The following ATF7IP variants were observed in gnomAD, a reference collection of about 807,000 sequenced individuals.
The protein encoded by ATF7IP is activating transcription factor 7 interacting protein, also known as activating transcription factor 7-interacting protein 1.
Under a neutral mutation model 106.4 loss-of-function variants are expected in ATF7IP, and 23 were observed. The observed-to-expected ratio is 0.22, with a 90% confidence interval of 0.16 to 0.31. ATF7IP has a LOEUF of 0.31. Among genes scored for constraint, ATF7IP ranks in the 10% least tolerant of loss-of-function variants. The probability of loss-of-function intolerance (pLI) is 1.00; values close to 1 mark genes in which losing one functional copy is unlikely to be tolerated. For synonymous variants in ATF7IP, 542 were observed against 539.0 expected, an observed-to-expected ratio of 1.01 and a Z score of -0.08; for missense variants, 1,334 against 1,524.3, an observed-to-expected ratio of 0.88 and a Z score of 2.08.
chr12:14,444,990 G>GTTTTTT (rs1206306341), intron 5 of ATF7IP, among the ~76,000 whole-genome samples: 1 of 131,546 alleles, frequency 7.6e-6, no homozygotes. Context: ...TAACCACCTA[G>GTTTTTT]TTTTTTTTTT....
At chr12:14,473,286 CTCTCTGTGTG>C (rs1487805890) in intron 10 of ATF7IP, among the ~76,000 whole-genome samples, 9 of 53,750 alleles carry the variant, frequency 1.7e-4, no homozygotes, top group African/African-American at 9.5e-4. Flanking sequence ...CTCTCTCTCT[CTCTCTGTGTG>C]TGTGTGTGTG....
chr12:14,404,282 A>C (rs1037940925), intron 1 of ATF7IP, among the ~76,000 whole-genome samples: 1 of 152,172 alleles, frequency 6.6e-6, no homozygotes, highest in African/African-American at 2.4e-5. Context: ...CCACATTTAC[A>C]TTAAAATCTA....
At chr12:14,448,520 C>G (rs911208025) in intron 6 of ATF7IP, among the ~76,000 whole-genome samples, 14 of 152,076 alleles carry the variant, frequency 9.2e-5, no homozygotes, top group African/African-American at 3.4e-4. Flanking sequence ...CTCATGCTAC[C>G]CTTTTCTGGT....
chr12:14,415,410 GT>G (rs1229646979), intron 1 of ATF7IP, among the ~76,000 whole-genome samples: 1 of 152,200 alleles, frequency 6.6e-6, no homozygotes, highest in African/African-American at 2.4e-5. Flanking sequence ...TGTAGTGACA[GT>G]TCTGGCTTTG....
At chr12:14,375,055 T>C (rs1482066400) in intron 1 of ATF7IP, among the ~76,000 whole-genome samples, 3 of 151,258 alleles carry the variant, frequency 2.0e-5, no homozygotes, top group Admixed American at 6.6e-5. Flanking sequence ...CTTTCCACCA[T>C]GCCTTGCTTT....
chr12:14,461,725 C>G (rs1360038593), intron 9 of ATF7IP, among the ~76,000 whole-genome samples: 1 of 151,972 alleles, frequency 6.6e-6, no homozygotes. Flanking sequence ...TTGATTATAC[C>G]TGTTTAAAAT....
intron 6 of ATF7IP, 152 bp from the exon 7 acceptor site, chr12:14,456,409 G>T: frequency 1.7e-6 from 1 of 575,062 alleles, no homozygotes; most frequent in Non-Finnish European, 3.1e-6. Context: ...ATAATGCCAA[G>T]ATTCAAATTA....
intron 2 of ATF7IP, among the ~76,000 whole-genome samples, chr12:14,431,504 C>T (rs564735541): frequency 6.6e-6 from 1 of 151,986 alleles, no homozygotes; most frequent in East Asian, 1.9e-4. Flanking sequence ...AAGCGACTCT[C>T]CTGTCTCAGC....
intron 1 of ATF7IP, among the ~76,000 whole-genome samples, chr12:14,415,004 A>G (rs1941129537): frequency 6.6e-6 from 1 of 152,148 alleles, no homozygotes; most frequent in Non-Finnish European, 1.5e-5. Flanking sequence ...CTTTAGGCTC[A>G]AGCAGTCCAC....
At chr12:14,428,716 G>A (rs1477484444) in intron 2 of ATF7IP, among the ~76,000 whole-genome samples, 2 of 152,162 alleles carry the variant, frequency 1.3e-5, no homozygotes, top group Non-Finnish European at 2.9e-5. Context: ...ATAACCTTCT[G>A]TCATTTCAGG....
At chr12:14,475,174 C>T (rs1464471807) in intron 10 of ATF7IP, among the ~76,000 whole-genome samples, 1 of 152,112 alleles carries the variant, frequency 6.6e-6, no homozygotes, top group African/African-American at 2.4e-5. Context: ...ACCTTATATA[C>T]ACATTTGGAT....
At chr12:14,420,645 T>A (rs1941456616) in intron 1 of ATF7IP, among the ~76,000 whole-genome samples, 1 of 149,804 alleles carries the variant, frequency 6.7e-6, no homozygotes, top group African/African-American at 2.5e-5. Context: ...AAAAAAAAAA[T>A]AAAGAAATAG....
At position 14,499,098 on chromosome 12, in the gene ATF7IP, G is replaced by C. The variant is rs371234228; in HGVS notation, c.*1025G>C. The C allele has an allele frequency of 2.6e-5, 4 of 152,142 alleles. No homozygotes were observed. Among genetic ancestry groups the C allele is most frequent in the African/African-American group, 9.6e-5 (4 of 41,460 alleles). 9.4% of individuals were successfully genotyped at this position (152,142 alleles called of 1,614,324 possible). ...TGACCTCAGGTGATCCACCCGCCTC[G>C]GCCTCCCAGAGTGCTGCGATTACAG... On this transcript the variant is annotated 3_prime_UTR_variant, in exon 15 of 15. Transcript: ENST00000261168.
intron 6 of ATF7IP, among the ~76,000 whole-genome samples, chr12:14,450,195 A>G (rs1269499312): frequency 1.3e-5 from 2 of 152,138 alleles, no homozygotes; most frequent in African/African-American, 2.4e-5. Context: ...AGAATTTCTC[A>G]TACTATATTG....
chr12:14,410,042 A>G lies in ATF7IP; in HGVS notation c.-7-13867A>G, dbSNP rs542243886. Among the ~76,000 whole-genome samples the G allele has an allele frequency of 2.0e-5, 3 of 152,222 alleles. No homozygotes were observed. The South Asian group carries it at 6.2e-4, about 32-fold the overall frequency. On this transcript the variant is annotated intron_variant, in intron 1 of 14. Transcript: ENST00000261168. ...AATGTTTGAACATTTATATTACCCT[A>G]TAAAGAAATCCTGTACCCTTTAGCA...
intron 1 of ATF7IP, among the ~76,000 whole-genome samples, chr12:14,401,288 TG>T (rs11298119): frequency 0.56 from 85,213 of 151,444 alleles, 24,540 homozygotes; most frequent in African/African-American, 0.69. Context: ...CTCCGCCTCC[TG>T]GGGTTCAAGT....
intron 1 of ATF7IP, among the ~76,000 whole-genome samples, chr12:14,405,968 A>G (rs1376062069): frequency 2.6e-5 from 4 of 152,220 alleles, no homozygotes; most frequent in Non-Finnish European, 5.9e-5. Context: ...TCTTGAAACA[A>G]AACTGGCCAG....
chr12:14,366,896 T>C (rs1304697788), intron 1 of ATF7IP, among the ~76,000 whole-genome samples: 3 of 152,170 alleles, frequency 2.0e-5, no homozygotes, highest in Non-Finnish European at 2.9e-5. Flanking sequence ...GATACAGTTG[T>C]GTTTGATTTT....
chr12:14,463,480 C>A (rs1473023196), intron 9 of ATF7IP, among the ~76,000 whole-genome samples: 7 of 152,018 alleles, frequency 4.6e-5, no homozygotes, highest in Non-Finnish European at 8.8e-5. Flanking sequence ...ACCAAGCTTA[C>A]AATCAAATAG....
Sources: allele counts gnomAD v4.1 joint callset (sites outside exome capture counted in the v4.1 genomes callset), GRCh38; gene constraint gnomAD v4.1.1; transcripts MANE v1.5; gene names NCBI Gene and HGNC (gene_info 2026-07-23, HGNC 2026-07-21).